EPHA6: variants seen among roughly 807,000 people sequenced by gnomAD.
The protein encoded by EPHA6 is ephrin type-A receptor 6.
In EPHA6, 50 loss-of-function variants were observed where a neutral mutation model predicts 112.0. The ratio of observed to expected loss-of-function variants is 0.45; its 90% confidence interval spans 0.36 to 0.56. The LOEUF is 0.56. EPHA6 is among the 20% of genes least tolerant of loss of function. EPHA6 has a pLI of 0.00. For synonymous variants in EPHA6, 529 were observed against 490.7 expected, an observed-to-expected ratio of 1.08 and a Z score of -1.03; for missense variants, 1,280 against 1,417.4, an observed-to-expected ratio of 0.90 and a Z score of 1.56.
chr3:96,915,535 C>T (rs1457845417), intron 2 of EPHA6, among the ~76,000 whole-genome samples: 3 of 152,026 alleles, frequency 2.0e-5, no homozygotes, highest in African/African-American at 7.2e-5. Context: ...AGAACTCTGA[C>T]AGTTATTTAT....
intron 3 of EPHA6, among the ~76,000 whole-genome samples, chr3:97,214,538 A>G (rs1363526582): frequency 2.0e-5 from 3 of 151,372 alleles, no homozygotes; most frequent in Non-Finnish European, 1.5e-5. Context: ...CTGTATTCAT[A>G]TTTAGTTTGC....
At chr3:97,438,234 G>C (rs1201170185) in intron 6 of EPHA6, among the ~76,000 whole-genome samples, 1 of 152,106 alleles carries the variant, frequency 6.6e-6, no homozygotes, top group Non-Finnish European at 1.5e-5. Flanking sequence ...AGACGGGAAA[G>C]TTAAAACTGA....
intron 3 of EPHA6, among the ~76,000 whole-genome samples, chr3:97,160,675 G>A (rs1031658531): frequency 6.6e-6 from 1 of 152,048 alleles, no homozygotes; most frequent in Non-Finnish European, 1.5e-5. Context: ...TTCCTTCCAA[G>A]TTCCTAATCA....
intron 5 of EPHA6, among the ~76,000 whole-genome samples, chr3:97,287,802 T>A (rs1329283491): frequency 6.6e-6 from 1 of 152,138 alleles, no homozygotes; most frequent in Non-Finnish European, 1.5e-5. Context: ...GCTGTTGGAT[T>A]CAGTTTGTTA....
chr3:97,342,100 G>A (rs1442855756), intron 5 of EPHA6, among the ~76,000 whole-genome samples: 1 of 152,060 alleles, frequency 6.6e-6, no homozygotes, highest in Admixed American at 6.6e-5. Context: ...TCAAAAATTT[G>A]CCTAAAATTA....
intron 5 of EPHA6, among the ~76,000 whole-genome samples, chr3:97,372,651 A>C (rs1259882090): frequency 6.6e-6 from 1 of 152,166 alleles, no homozygotes; most frequent in Non-Finnish European, 1.5e-5. Flanking sequence ...ACACAGGTAC[A>C]TTTGGGAATT....
intron 2 of EPHA6, among the ~76,000 whole-genome samples, chr3:96,901,441 C>T (rs2038606140): frequency 6.6e-6 from 1 of 151,334 alleles, no homozygotes; most frequent in African/African-American, 2.4e-5. Flanking sequence ...GGATTCAGGA[C>T]TGGATTGAGA....
chr3:97,153,330 A>T (rs1048784144), intron 3 of EPHA6, among the ~76,000 whole-genome samples: 3 of 152,132 alleles, frequency 2.0e-5, no homozygotes, highest in African/African-American at 7.2e-5. Context: ...TTATGATTCG[A>T]TAATAGTTTA....
chr3:97,265,772 G>C (rs1488777847), intron 5 of EPHA6, among the ~76,000 whole-genome samples: 3 of 152,202 alleles, frequency 2.0e-5, no homozygotes, highest in Non-Finnish European at 4.4e-5. Flanking sequence ...AGCCACTCCT[G>C]CCACCACCGC....
At chr3:96,983,396 C>A (rs1237112874) in intron 2 of EPHA6, among the ~76,000 whole-genome samples, 2 of 152,180 alleles carry the variant, frequency 1.3e-5, no homozygotes, top group African/African-American at 4.8e-5. Flanking sequence ...TCTCTTCTGG[C>A]TTGTAGAGTT....
chr3:97,451,942 A>T (rs1199526303), intron 7 of EPHA6, among the ~76,000 whole-genome samples: 2 of 151,910 alleles, frequency 1.3e-5, no homozygotes, highest in Non-Finnish European at 2.9e-5. Context: ...TCATTTGATG[A>T]TCTGGTTCAA....
rs531744343 is a variant in EPHA6, at chr3:97,460,687, A to T, written c.1894+11957A>T. ...CTCTTCCTGGGGACAGTCAGAATCC[A>T]AGATTCCTCAATGTGATGTACAAAG... On this transcript the variant is annotated intron_variant, in intron 7 of 17. Coordinates refer to ENST00000389672, the MANE Select transcript of EPHA6 (RefSeq NM_001080448.3). Among the ~76,000 whole-genome samples, 320 of 152,280 alleles carry T rather than the reference A, an allele frequency of 2.1e-3. 2 individuals are homozygous for T. Among genetic ancestry groups the T allele is most frequent in the Middle Eastern group, 6.8e-3 (2 of 294 alleles).
chr3:96,824,178 C>G (rs2033490797), intron 1 of EPHA6, among the ~76,000 whole-genome samples: 1 of 151,528 alleles, frequency 6.6e-6, no homozygotes, highest in Non-Finnish European at 1.5e-5. Context: ...TATTTGTTTT[C>G]TTAGATTTTT....
intron 5 of EPHA6, among the ~76,000 whole-genome samples, chr3:97,275,680 G>A (rs2080049349): frequency 1.3e-5 from 2 of 152,154 alleles, no homozygotes; most frequent in African/African-American, 4.8e-5. Context: ...ACAGGTGAGT[G>A]ATAACAGGCT....
intron 1 of EPHA6, among the ~76,000 whole-genome samples, chr3:96,856,692 A>G (rs1040431608): frequency 6.6e-6 from 1 of 152,166 alleles, no homozygotes; most frequent in African/African-American, 2.4e-5. Flanking sequence ...GGGTAGATAC[A>G]ATCATTCATT....
intron 5 of EPHA6, among the ~76,000 whole-genome samples, chr3:97,275,745 G>A (rs2080052304): frequency 6.6e-6 from 1 of 152,026 alleles, no homozygotes; most frequent in South Asian, 2.1e-4. Flanking sequence ...ACGGGGTAAG[G>A]GTGATTAGGT....
At chr3:97,729,785 T>C (rs1011703942) in intron 15 of EPHA6, among the ~76,000 whole-genome samples, 6 of 152,050 alleles carry the variant, frequency 3.9e-5, no homozygotes, top group Admixed American at 3.9e-4. Context: ...TTCAGTGTTA[T>C]TGTATTATGA....
At chr3:97,234,238 G>T (rs1181038702) in intron 4 of EPHA6, among the ~76,000 whole-genome samples, 1 of 151,960 alleles carries the variant, frequency 6.6e-6, no homozygotes, top group Non-Finnish European at 1.5e-5. Flanking sequence ...AGCTGGTTTT[G>T]TTTATCTCCT....
At chr3:97,522,032 T>G (rs1239656387) in intron 10 of EPHA6, among the ~76,000 whole-genome samples, 1 of 151,724 alleles carries the variant, frequency 6.6e-6, no homozygotes, top group Non-Finnish European at 1.5e-5. Flanking sequence ...CAAGTGATCC[T>G]CCCACCTCAG....
Sources: allele counts gnomAD v4.1 joint callset (sites outside exome capture counted in the v4.1 genomes callset), GRCh38; gene constraint gnomAD v4.1.1; transcripts MANE v1.5; gene names NCBI Gene and HGNC (gene_info 2026-07-23, HGNC 2026-07-21).